Variants in ROBO1 observed in about 807,000 individuals in gnomAD.
ROBO1 encodes roundabout homolog 1.
In ROBO1, 149 loss-of-function variants were observed where a neutral mutation model predicts 195.9. The ratio of observed to expected loss-of-function variants is 0.76; its 90% confidence interval spans 0.67 to 0.87. The LOEUF is 0.87. ROBO1 is among the 40% of genes least tolerant of loss of function. ROBO1 has a pLI of 0.00. For synonymous variants in ROBO1, 816 were observed against 733.2 expected (o/e 1.11, Z -1.82); for missense variants, 1,933 against 2,068.3 (o/e 0.93, Z 1.27).
At chr3:78,615,117 C>T (rs538606783) in intron 27 of ROBO1, among the ~76,000 whole-genome samples, 189 of 152,200 alleles carry the variant, frequency 1.2e-3, no homozygotes, top group Non-Finnish European at 2.2e-3. Context: ...TTCACTAAAA[C>T]GTTATACTTA....
At chr3:79,581,743 G>T (rs4462910) in intron 2 of ROBO1, among the ~76,000 whole-genome samples, 88,901 of 151,834 alleles carry the variant, frequency 0.59, 27,826 homozygotes, top group African/African-American at 0.83. Context: ...AACACACACA[G>T]ATATGTATAT....
rs376063213 is a variant in ROBO1 at position 78,618,022 on chromosome 3, G to A, written c.3895C>T (p.Pro1299Ser). The change falls in exon 27 of 31, where the codon CCT (proline) becomes TCT (serine). Residue 1299 changes from proline to serine, a missense_variant. This residue lies in a region of ROBO1 where 1,737 missense variants were observed against 1,882.5 expected (regional missense o/e 0.92). Coordinates refer to ENST00000464233, the MANE Select transcript of ROBO1 (RefSeq NM_002941.4). The stretch of plus-strand genomic sequence containing the variant: ...GGGGAGATCGGCCGTGGTGGTGGAG[G>A]AGGACTCACAGGCTGCCGTCTGTAT... ...PDRRRQPVSP[P>S]PPPRPISPPH... 8.7e-6 allele frequency: 14 copies of A among 1,612,700 alleles called. No homozygotes were observed. In the African/African-American group the frequency reaches 1.9e-4, roughly 22 times the overall value.
intron 2 of ROBO1, among the ~76,000 whole-genome samples, chr3:79,216,523 C>T (rs533978701): frequency 7.2e-4 from 110 of 152,146 alleles, no homozygotes; most frequent in African/African-American, 2.5e-3. Flanking sequence ...GGTAATGTTA[C>T]GTTGAGTTTC....
At chr3:78,727,480 T>G (rs958666587) in intron 5 of ROBO1, among the ~76,000 whole-genome samples, 40 of 151,954 alleles carry the variant, frequency 2.6e-4, no homozygotes, top group African/African-American at 9.2e-4. Flanking sequence ...CAAAAAATTA[T>G]CCGGGCGTGG....
At chr3:78,948,442 A>G (rs2040580961) in intron 3 of ROBO1, among the ~76,000 whole-genome samples, 2 of 152,218 alleles carry the variant, frequency 1.3e-5, no homozygotes, top group South Asian at 4.1e-4. Flanking sequence ...GATGCAGAAA[A>G]GGCCTTTGAC....
In ROBO1 at chr3:78,808,642, C is replaced by T. The variant is rs141082811; in HGVS notation, c.500-61742G>A. On this transcript the variant is annotated intron_variant, in intron 4 of 30. Coordinates refer to ENST00000464233, the MANE Select transcript of ROBO1 (RefSeq NM_002941.4). The stretch of plus-strand genomic sequence containing the variant: ...GATGCAAATGTCATAGCTTCAATGG[C>T]TTAAATTATACTGTTAAAAGCAATC... 8.0e-3 allele frequency among the ~76,000 whole-genome samples: 1,217 copies of T among 152,226 alleles called. 11 individuals are homozygous for T. The highest frequency in any genetic ancestry group is 0.028 in the African/African-American group (1,156 of 41,526).
chr3:79,724,783 A>G (rs138618922), intron 1 of ROBO1, among the ~76,000 whole-genome samples: 9 of 152,360 alleles, frequency 5.9e-5, no homozygotes, highest in Non-Finnish European at 1.2e-4. Context: ...GAGATAAATC[A>G]ATGTGTTTTA....
Position 79,753,179 on chromosome 3 carries a change from T to C in ROBO1, c.-51+14573A>G, listed in dbSNP as rs186202201. Among the ~76,000 whole-genome samples the C allele has an allele frequency of 3.1e-3, 479 of 152,262 alleles. 5 individuals carry two copies. Among genetic ancestry groups the C allele is most frequent in the Middle Eastern group, 0.02 (6 of 294 alleles). ...TTAGTATAGACCTGTGGTTCTCAAC[T>C]TTGCTGCTTATTCAAACCACCTAAA... On this transcript the variant is annotated intron_variant, in intron 1 of 30. Transcript: ENST00000464233.
At chr3:79,441,763 G>A (rs2039062164) in intron 2 of ROBO1, among the ~76,000 whole-genome samples, 1 of 152,044 alleles carries the variant, frequency 6.6e-6, no homozygotes, top group Non-Finnish European at 1.5e-5. Flanking sequence ...GTTAGTGTAA[G>A]GAAATGTTAA....
At chr3:78,618,335 GAAAAGTA>G (rs1211628342) in intron 26 of ROBO1, among the ~76,000 whole-genome samples, 1 of 152,108 alleles carries the variant, frequency 6.6e-6, no homozygotes. Flanking sequence ...ATGAAAAAAG[GAAAAGTA>G]ATACTTGTTT....
intron 5 of ROBO1, among the ~76,000 whole-genome samples, chr3:78,726,081 C>T (rs1181664126): frequency 1.3e-5 from 2 of 152,032 alleles, no homozygotes; most frequent in African/African-American, 4.8e-5. Flanking sequence ...GACTTGAATT[C>T]AACAGACCAA....
Position 78,620,871 on chromosome 3 carries a change from T to TTA in ROBO1, c.3876-2832_3876-2831dup, listed in dbSNP as rs1412501078. On this transcript the variant is annotated intron_variant, in intron 26 of 30. Transcript: ENST00000464233. ...ACACACATATATAAGTGTAAATATATTATATATATATATGTGTGTGTGTGT... is the reference window on the plus strand; with the variant it reads ...ACACACATATATAAGTGTAAATATATTATATATATATATATGTGTGTGTGTGT... 2.1e-3 allele frequency among the ~76,000 whole-genome samples: 245 copies of TTA among 114,274 alleles called. 1 individual carries two copies. The highest frequency in any genetic ancestry group is 7.0e-3 in the African/African-American group (228 of 32,746). 75.0% of individuals were successfully genotyped at this position (114,274 alleles called of 152,430 possible).
chr3:79,384,235 T>C (rs2036662189), intron 2 of ROBO1, among the ~76,000 whole-genome samples: 2 of 152,074 alleles, frequency 1.3e-5, no homozygotes, highest in South Asian at 2.1e-4. Context: ...TGATGAATAG[T>C]TTGAATGTGT....
Position 79,015,591 on chromosome 3 carries a change from C to T in ROBO1, c.173-76664G>A, listed in dbSNP as rs139103021. 1.7e-4 allele frequency among the ~76,000 whole-genome samples: 26 copies of T among 152,188 alleles called. No homozygotes were observed. The East Asian group carries it at 4.6e-3, about 27-fold the overall frequency. ...TGGATTCGTTTCAAGGCTACCTCTC[C>T]TGCACCCTCCCACCCCGCAAACTCA... On this transcript the variant is annotated intron_variant, in intron 3 of 30. Coordinates refer to ENST00000464233, the MANE Select transcript of ROBO1 (RefSeq NM_002941.4).
intron 2 of ROBO1, among the ~76,000 whole-genome samples, chr3:79,433,450 G>A (rs1023250074): frequency 6.6e-6 from 1 of 151,960 alleles, no homozygotes; most frequent in Non-Finnish European, 1.5e-5. Context: ...GACTACAGTG[G>A]TGTGATTATA....
At chr3:79,420,124 A>G (rs1026387146) in intron 2 of ROBO1, among the ~76,000 whole-genome samples, 13 of 152,154 alleles carry the variant, frequency 8.5e-5, no homozygotes, top group African/African-American at 2.9e-4. Context: ...TATGAGTATC[A>G]TTATATTCCT....
chr3:78,781,673 T>C (rs2083681536), intron 4 of ROBO1, among the ~76,000 whole-genome samples: 1 of 151,300 alleles, frequency 6.6e-6, no homozygotes, highest in Non-Finnish European at 1.5e-5. Context: ...ACAGATAAGG[T>C]TGAGAACAAC....
intron 4 of ROBO1, among the ~76,000 whole-genome samples, chr3:78,914,756 A>ATT (rs2038455235): frequency 1.6e-5 from 2 of 124,856 alleles, no homozygotes; most frequent in Admixed American, 1.7e-4. Context: ...CATTTTATAA[A>ATT]TTATATATAT....
chr3:79,554,949 G>A (rs535269526), intron 2 of ROBO1, among the ~76,000 whole-genome samples: 1 of 152,138 alleles, frequency 6.6e-6, no homozygotes, highest in Admixed American at 6.6e-5. Flanking sequence ...AAATGTCTAA[G>A]AGCTTAGCCT....
Sources: allele counts gnomAD v4.1 joint callset (sites outside exome capture counted in the v4.1 genomes callset), GRCh38; gene constraint gnomAD v4.1.1; regional missense constraint gnomAD v4.1.1; transcripts MANE v1.5; gene names NCBI Gene and HGNC (gene_info 2026-07-23, HGNC 2026-07-21).